MAGI2: variants seen among roughly 807,000 people sequenced by gnomAD.
MAGI2 encodes membrane-associated guanylate kinase, WW and PDZ domain-containing protein 2.
A neutral mutation model predicts 133.3 loss-of-function variants in MAGI2; 35 were observed. The ratio of observed to expected loss-of-function variants is 0.26; its 90% CI spans 0.20 to 0.35. The LOEUF (loss-of-function observed/expected upper bound fraction) is 0.35. MAGI2 is among the 10% of genes least tolerant of loss of function. MAGI2 has a pLI of 1.00. For synonymous variants in MAGI2, 729 were observed against 710.6 expected, an observed-to-expected ratio of 1.03 and a Z score of -0.41; for missense variants, 1,636 against 1,863.4, an observed-to-expected ratio of 0.88 and a Z score of 2.25.
chr7:78,801,910 AACATACACC>A (rs1346109308), intron 2 of MAGI2, among the ~76,000 whole-genome samples: 2 of 152,176 alleles, frequency 1.3e-5, no homozygotes, highest in Non-Finnish European at 2.9e-5. Flanking sequence ...ATGGTCATCT[AACATACACC>A]AAATACTATG....
intron 6 of MAGI2, among the ~76,000 whole-genome samples, chr7:78,377,439 C>T (rs546370659): frequency 6.6e-6 from 1 of 151,638 alleles, no homozygotes; most frequent in Non-Finnish European, 1.5e-5. Flanking sequence ...GATTAGAACA[C>T]AAGTATGAAG....
At chr7:79,384,067 A>T (rs1285795719) in intron 1 of MAGI2, among the ~76,000 whole-genome samples, 1 of 151,400 alleles carries the variant, frequency 6.6e-6, no homozygotes, top group Admixed American at 6.6e-5. Context: ...GGGGTAAACA[A>T]TGCATTTAAA....
chr7:78,240,318 C>CT (rs1440697763), intron 10 of MAGI2, among the ~76,000 whole-genome samples: 1 of 151,826 alleles, frequency 6.6e-6, no homozygotes, highest in Non-Finnish European at 1.5e-5. Flanking sequence ...TGAACTCATC[C>CT]TTTTTTATGG....
intron 6 of MAGI2, among the ~76,000 whole-genome samples, chr7:78,373,370 A>G (rs1203419083): frequency 6.6e-6 from 1 of 152,210 alleles, no homozygotes; most frequent in Non-Finnish European, 1.5e-5. Context: ...AGATTTGTAG[A>G]TTAGGTAATC....
chr7:78,132,095 G>A (rs1821618477), intron 18 of MAGI2, among the ~76,000 whole-genome samples: 1 of 152,098 alleles, frequency 6.6e-6, no homozygotes, highest in South Asian at 2.1e-4. Flanking sequence ...GGCTGGTCTT[G>A]AACTCCTGGG....
At chr7:79,314,677 T>C (rs1445808155) in intron 1 of MAGI2, among the ~76,000 whole-genome samples, 1 of 152,232 alleles carries the variant, frequency 6.6e-6, no homozygotes, top group Admixed American at 6.5e-5. Context: ...GATGAGATAG[T>C]TCTAAGTCAA....
chr7:78,893,677 C>T (rs1349516286), intron 2 of MAGI2, among the ~76,000 whole-genome samples: 3 of 151,106 alleles, frequency 2.0e-5, no homozygotes, highest in Non-Finnish European at 4.4e-5. Flanking sequence ...AGGAATTAAA[C>T]AATGAGAACA....
chr7:78,581,579 A>G lies in MAGI2; in HGVS notation c.538+45541T>C, dbSNP rs79659167. On this transcript the variant is annotated intron_variant, in intron 3 of 21. Coordinates refer to ENST00000354212, the MANE Select transcript of MAGI2 (RefSeq NM_012301.4). Reference sequence around the variant, plus strand: ...ATCACACACTACTTGAAATAACACAAAAATGAACTTCCTTCCCATATTTAC... The same window carrying G: ...ATCACACACTACTTGAAATAACACAGAAATGAACTTCCTTCCCATATTTAC... Among the ~76,000 whole-genome samples, 1,052 of 152,318 alleles carry G rather than the reference A, an allele frequency of 6.9e-3. 10 individuals carry two copies. Among genetic ancestry groups the G allele is most frequent in the African/African-American group, 0.024 (990 of 41,562 alleles).
chr7:78,177,977 C>A (rs1563220944), intron 14 of MAGI2, 34 bp downstream of exon 14: 3 of 1,446,344 alleles, frequency 2.1e-6, no homozygotes, highest in Non-Finnish European at 2.9e-6. Flanking sequence ...TACAATACAG[C>A]CCCAAGCATG....
intron 6 of MAGI2, among the ~76,000 whole-genome samples, chr7:78,392,432 G>A (rs572403873): frequency 6.6e-6 from 1 of 152,208 alleles, no homozygotes; most frequent in Admixed American, 6.5e-5. Context: ...TAAATTTTAA[G>A]ATAACTATCC....
At chr7:78,642,444 A>G (rs1461728438) in intron 2 of MAGI2, among the ~76,000 whole-genome samples, 1 of 152,192 alleles carries the variant, frequency 6.6e-6, no homozygotes, top group Non-Finnish European at 1.5e-5. Context: ...TTGAAAATTG[A>G]TTCAACAGGA....
chr7:78,627,542 A>G (rs1185435930), intron 2 of MAGI2, among the ~76,000 whole-genome samples: 2 of 152,188 alleles, frequency 1.3e-5, no homozygotes, highest in Non-Finnish European at 2.9e-5. Flanking sequence ...GGTGGTTTGG[A>G]TATTGAGCCA....
chr7:78,338,358 C>T (rs1367190713), intron 9 of MAGI2, among the ~76,000 whole-genome samples: 2 of 152,172 alleles, frequency 1.3e-5, no homozygotes, highest in African/African-American at 4.8e-5. Context: ...GATATCTGTT[C>T]GTCATCCAAA....
chr7:79,446,982 A>T lies in MAGI2; in HGVS notation c.301+6038T>A, dbSNP rs1366935085. Among the ~76,000 whole-genome samples the T allele has an allele frequency of 2.0e-5, 3 of 152,304 alleles. No individual in the cohort carries two copies. In the East Asian group the frequency reaches 5.8e-4, roughly 29 times the overall value. On this transcript the variant is annotated intron_variant, in intron 1 of 21. Transcript: ENST00000354212. ...AAAATAATAAATAAGTGAAAAAATA[A>T]AAGTACATCAATGGGATGCAATTGA...
intron 6 of MAGI2, among the ~76,000 whole-genome samples, chr7:78,459,916 A>G (rs1470913072): frequency 6.6e-6 from 1 of 152,254 alleles, no homozygotes; most frequent in East Asian, 1.9e-4. Flanking sequence ...TGGTGAATGC[A>G]GAAATAGTGA....
At chr7:78,469,363 T>A (rs1345844354) in intron 6 of MAGI2, among the ~76,000 whole-genome samples, 1 of 151,884 alleles carries the variant, frequency 6.6e-6, no homozygotes, top group Non-Finnish European at 1.5e-5. Flanking sequence ...GCAGAGAGAG[T>A]CTCAAAGATG....
chr7:79,134,294 C>T (rs1333363084), intron 1 of MAGI2, among the ~76,000 whole-genome samples: 1 of 152,200 alleles, frequency 6.6e-6, no homozygotes, highest in Non-Finnish European at 1.5e-5. Flanking sequence ...GTTAAAAACG[C>T]TCACAGGCAT....
intron 2 of MAGI2, among the ~76,000 whole-genome samples, chr7:78,718,402 G>T (rs1819929910): frequency 6.6e-6 from 1 of 152,096 alleles, no homozygotes; most frequent in African/African-American, 2.4e-5. Flanking sequence ...AGAGGTGAGT[G>T]GCAGGTGAGT....
At chr7:79,051,594 A>G (rs1812674882) in intron 1 of MAGI2, among the ~76,000 whole-genome samples, 1 of 152,318 alleles carries the variant, frequency 6.6e-6, no homozygotes, top group African/African-American at 2.4e-5. Context: ...TAATCTATAA[A>G]AATCAGGGAA....
Sources: allele counts gnomAD v4.1 joint callset (sites outside exome capture counted in the v4.1 genomes callset), GRCh38; gene constraint gnomAD v4.1.1; transcripts MANE v1.5; gene names NCBI Gene and HGNC (gene_info 2026-07-23, HGNC 2026-07-21).